The following TBC1D19 variants were observed in gnomAD, a reference collection of about 807,000 sequenced individuals.
TBC1D19 encodes TBC1 domain family member 19.
In TBC1D19, 60 loss-of-function variants were observed where a neutral mutation model predicts 89.0. That is an observed-to-expected ratio of 0.67 (90% CI 0.55 to 0.84). The LOEUF is 0.84. Ranked by LOEUF, TBC1D19 falls within the 40% of genes least tolerant of loss-of-function variation. The probability of loss-of-function intolerance (pLI) is 0.00; values close to 1 mark genes in which losing one functional copy is unlikely to be tolerated. For missense variants in TBC1D19, 500 were observed against 610.8 expected (o/e 0.82, Z 1.91); for synonymous variants, 189 against 199.7 (o/e 0.95, Z 0.45).
At chr4:26,813,861 C>A in the TBC1D19 span, among the ~76,000 whole-genome samples, 1 of 152,154 alleles carries the variant, frequency 6.6e-6, no homozygotes, top group East Asian at 1.9e-4. Flanking sequence ...GGCTGAAGAA[C>A]TGAGGGCCGG....
intron 1 of TBC1D19, among the ~76,000 whole-genome samples, chr4:26,611,097 C>A (rs186593007): frequency 1.3e-5 from 2 of 152,198 alleles, no homozygotes; most frequent in Admixed American, 1.3e-4. Flanking sequence ...TCTCTACAGC[C>A]TCCCTGGCAT....
intron 3 of TBC1D19, among the ~76,000 whole-genome samples, chr4:26,615,357 C>T (rs1741617429): frequency 1.3e-5 from 2 of 152,012 alleles, no homozygotes; most frequent in Non-Finnish European, 1.5e-5. Context: ...GTGGCAGCAC[C>T]GTACTAAGCA....
chr4:26,674,216 C>T (rs759154035), intron 11 of TBC1D19, among the ~76,000 whole-genome samples: 4 of 151,918 alleles, frequency 2.6e-5, no homozygotes, highest in Non-Finnish European at 4.4e-5. Context: ...TGTTAGACTA[C>T]GGAGAAATAA....
At chr4:26,629,635 G>C (rs1197882549) in intron 4 of TBC1D19, among the ~76,000 whole-genome samples, 1 of 151,922 alleles carries the variant, frequency 6.6e-6, no homozygotes, top group Non-Finnish European at 1.5e-5. Flanking sequence ...ACTTATGTTC[G>C]TAATAATAGT....
intron 13 of TBC1D19, among the ~76,000 whole-genome samples, chr4:26,716,648 T>C (rs985814121): frequency 1.3e-5 from 2 of 152,100 alleles, no homozygotes; most frequent in Admixed American, 6.6e-5. Context: ...TATCTTACAA[T>C]AGTGAAAAGA....
intron 7 of TBC1D19, among the ~76,000 whole-genome samples, chr4:26,642,671 T>C (rs1045590595): frequency 7.2e-5 from 11 of 152,182 alleles, no homozygotes; most frequent in Admixed American, 5.9e-4. Context: ...CAGTGTGCTG[T>C]ATTCAGGAGA....
At chr4:26,667,243 G>T (rs1406987518) in intron 9 of TBC1D19, among the ~76,000 whole-genome samples, 1 of 151,884 alleles carries the variant, frequency 6.6e-6, no homozygotes, top group Non-Finnish European at 1.5e-5. Context: ...AATGTATAAT[G>T]CATATAAAAG....
chr4:26,583,891 C>A, upstream of TBC1D19: 1 of 370,852 alleles, frequency 2.7e-6, no homozygotes. Context: ...GGCGCTGTGG[C>A]TCTGAAAGAA....
At chr4:26,854,520 A>G in the TBC1D19 span, among the ~76,000 whole-genome samples, 145 of 152,236 alleles carry the variant, frequency 9.5e-4, 1 homozygote, top group African/African-American at 3.3e-3. Flanking sequence ...GAATGCTACT[A>G]TTACTATCCA....
chr4:26,753,834 G>A lies in TBC1D19; in HGVS notation c.1450G>A (p.Val484Met), dbSNP rs780340499. 13 of 1,613,826 alleles carry A rather than the reference G, an allele frequency of 8.1e-6. No homozygotes were observed. Among genetic ancestry groups the A allele is most frequent in the Middle Eastern group, 1.6e-4 (1 of 6,082 alleles). ...TTCTTTTCCAGTGCTGGCAGCTGCC[G>A]TGTTTGCTTTCCGAGCAGTGAACCT... ...LEILAVLAAA[V>M]FAFRAVNLME... Residue 484 changes from valine (V) to methionine (M), a missense_variant, in exon 20 of 21, where the codon GTG becomes ATG. Val to Met is a conservative substitution (Grantham distance 21). Around this residue, in one of 2 missense-constraint regions of TBC1D19, gnomAD observed 220 missense variants for 319.1 expected, o/e 0.69. Transcript: ENST00000264866.
At position 26,651,091 on chromosome 4, in the gene TBC1D19, G is replaced by C. The variant is rs6826536; in HGVS notation, c.481-8506G>C. ...TTGGTCTATATCTCTGTTTTGGTAC[G>C]AGTACCATGCTGTTTTGGTTACTGT... is the stretch of plus-strand genomic sequence containing the variant. On this transcript the variant is annotated intron_variant, in intron 7 of 20. Coordinates refer to ENST00000264866, the MANE Select transcript of TBC1D19 (RefSeq NM_018317.4). Among the ~76,000 whole-genome samples the C allele has an allele frequency of 4.1e-3, 623 of 152,128 alleles. 5 individuals are homozygous for C. Among genetic ancestry groups the C allele is most frequent in the African/African-American group, 0.014 (584 of 41,518 alleles).
chr4:26,672,667 T>C (rs1176518473), intron 10 of TBC1D19, among the ~76,000 whole-genome samples: 2 of 151,994 alleles, frequency 1.3e-5, no homozygotes, highest in Admixed American at 6.6e-5. Flanking sequence ...TTTTTCCCTA[T>C]CTTTTGAAGA....
rs9942172 is a variant in TBC1D19, at chr4:26,656,774, G to C, written c.481-2823G>C. Among the ~76,000 whole-genome samples the C allele has an allele frequency of 6.5e-3, 996 of 152,198 alleles. 8 individuals carry two copies. The highest frequency in any genetic ancestry group is 0.023 in the African/African-American group (943 of 41,538). ...GAGTCTCACGATGTTGCCCAGGCTG[G>C]TTGTGAACTCTTGAGCTCAGGCACT... is the stretch of plus-strand genomic sequence containing the variant. On this transcript the variant is annotated intron_variant, in intron 7 of 20. Coordinates refer to ENST00000264866, the MANE Select transcript of TBC1D19 (RefSeq NM_018317.4).
intron 9 of TBC1D19, among the ~76,000 whole-genome samples, chr4:26,669,838 A>G (rs1712133308): frequency 1.3e-5 from 2 of 151,790 alleles, no homozygotes; most frequent in Admixed American, 6.6e-5. Flanking sequence ...TGTATAAACT[A>G]CATTGATTGA....
chr4:26,841,056 G>C, the TBC1D19 span, among the ~76,000 whole-genome samples: 1 of 152,136 alleles, frequency 6.6e-6, no homozygotes, highest in African/African-American at 2.4e-5. Flanking sequence ...GTCAAGGCCT[G>C]GCAACAGTGG....
rs1718760081 is a variant in TBC1D19 at position 26,748,270 on chromosome 4, C to G, written c.1320-141C>G. The G allele has an allele frequency of 4.9e-6, 3 of 617,412 alleles. No homozygotes were observed. The South Asian group carries it at 6.0e-5, about 12-fold the overall frequency. 38.2% of individuals were successfully genotyped at this position (617,412 alleles called of 1,614,324 possible). On this transcript the variant is annotated intron_variant, in intron 18 of 20. Coordinates refer to ENST00000264866, the MANE Select transcript of TBC1D19 (RefSeq NM_018317.4). ...GTTTCTCACCACTGCACTCTTGCAG[C>G]TTTCAAGAAAGTACTTAAGTTTTAA...
intron 19 of TBC1D19, among the ~76,000 whole-genome samples, chr4:26,752,907 C>G (rs1008986171): frequency 1.3e-5 from 2 of 152,198 alleles, no homozygotes; most frequent in African/African-American, 4.8e-5. Flanking sequence ...ACTTCTCCTG[C>G]CTCAGCTTCC....
At chr4:26,748,364 G>GA (rs1397961330) in intron 18 of TBC1D19, 47 bp from the exon 19 acceptor site, 2 of 1,415,750 alleles carry the variant, frequency 1.4e-6, no homozygotes, top group Non-Finnish European at 2.0e-6. Flanking sequence ...ATTTTCATGA[G>GA]AAAAAATTTC....
intron 3 of TBC1D19, among the ~76,000 whole-genome samples, chr4:26,616,522 T>G (rs1481103730): frequency 6.6e-6 from 1 of 152,132 alleles, no homozygotes; most frequent in African/African-American, 2.4e-5. Flanking sequence ...AACCATTAGA[T>G]GGATGAATAA....
Sources: gnomAD v4.1 joint callset for allele counts (sites outside exome capture counted in the v4.1 genomes callset) on GRCh38, gnomAD v4.1.1 for gene constraint, gnomAD v4.1.1 regional missense constraint, MANE v1.5 for transcripts, NCBI Gene and HGNC (gene_info 2026-07-23, HGNC 2026-07-21) for gene names.